The following GMDS variants were observed in gnomAD, a reference collection of about 807,000 sequenced individuals.
GMDS encodes the protein GDP-mannose 4,6 dehydratase.
GMDS carries 20 observed loss-of-function variants against 49.9 expected under a neutral mutation model. The observed-to-expected ratio is 0.40, with a 90% confidence interval of 0.28 to 0.58. The LOEUF (loss-of-function observed/expected upper bound fraction) is 0.58, where lower values mean the gene tolerates loss of function less well. Ranked by LOEUF, GMDS falls within the 20% of genes least tolerant of loss-of-function variation. GMDS has a pLI of 0.42. For synonymous variants in GMDS, 177 were observed against 178.6 expected, an observed-to-expected ratio of 0.99 and a Z score of 0.07; for missense variants, 362 against 481.4, an observed-to-expected ratio of 0.75 and a Z score of 2.32.
At chr6:2,087,595 G>A (rs577859218) in intron 4 of GMDS, among the ~76,000 whole-genome samples, 2 of 152,272 alleles carry the variant, frequency 1.3e-5, no homozygotes, top group Admixed American at 1.3e-4. Flanking sequence ...AGATTTCTGT[G>A]TTTATTCTCA....
chr6:2,114,461 C>G lies in GMDS; in HGVS notation c.345+1310G>C, dbSNP rs541827736. On this transcript the variant is annotated intron_variant, in intron 4 of 10. Coordinates refer to ENST00000380815, the MANE Select transcript of GMDS (RefSeq NM_001500.4). ...ATAGGAAAGAAGGGATGTAATTTCTCAAGCACACAGTATGCATAAGAGACT... is the reference window on the plus strand; with the variant it reads ...ATAGGAAAGAAGGGATGTAATTTCTGAAGCACACAGTATGCATAAGAGACT... Among the ~76,000 whole-genome samples the G allele has an allele frequency of 6.6e-5, 10 of 152,278 alleles. No homozygotes were observed. In the South Asian group the frequency reaches 1.9e-3, roughly 28 times the overall value.
intron 4 of GMDS, among the ~76,000 whole-genome samples, chr6:2,041,598 C>G (rs1286831348): frequency 6.6e-6 from 1 of 152,184 alleles, no homozygotes; most frequent in Non-Finnish European, 1.5e-5. Flanking sequence ...TCCTCACCCT[C>G]CCATCCTGGG....
At chr6:1,737,722 CCA>C (rs1407587465) in intron 8 of GMDS, among the ~76,000 whole-genome samples, 1 of 142,876 alleles carries the variant, frequency 7.0e-6, no homozygotes, top group East Asian at 2.2e-4. Flanking sequence ...CAAAGACACA[CCA>C]CAAACACACA....
Position 1,670,052 on chromosome 6 carries a change from T to C in GMDS, c.988-45512A>G, listed in dbSNP as rs141803977. Among the ~76,000 whole-genome samples the C allele has an allele frequency of 1.9e-3, 283 of 151,588 alleles. 2 individuals carry two copies. Among genetic ancestry groups the C allele is most frequent in the African/African-American group, 6.6e-3 (271 of 41,318 alleles). ...TGGGCTCCATAGGAACATCTTGGTG[T>C]CACAAACGAGGGGAGATCTTGCACA... On this transcript the variant is annotated intron_variant, in intron 9 of 10. Transcript: ENST00000380815.
rs181181936 is a variant in GMDS, at chr6:2,197,734, T to A, written c.102+47587A>T. Reference sequence around the variant, plus strand: ...GCTTTAATTTTCCACACTTCCTAATTCTGGGTGCTAACAGGACACAGCCGC... The same window carrying A: ...GCTTTAATTTTCCACACTTCCTAATACTGGGTGCTAACAGGACACAGCCGC... On this transcript the variant is annotated intron_variant, in intron 1 of 10. Coordinates refer to ENST00000380815, the MANE Select transcript of GMDS (RefSeq NM_001500.4). Among the ~76,000 whole-genome samples the A allele has an allele frequency of 7.2e-5, 11 of 152,248 alleles. 1 individual carries two copies. Among genetic ancestry groups the A allele is most frequent in the Admixed American group, 7.2e-4 (11 of 15,292 alleles).
chr6:2,103,765 G>A (rs777248040), intron 4 of GMDS, among the ~76,000 whole-genome samples: 2 of 152,066 alleles, frequency 1.3e-5, no homozygotes, highest in Admixed American at 6.5e-5. Context: ...AAAGGTCCTC[G>A]GAAGCACACA....
chr6:2,200,661 G>A (rs957706131), intron 1 of GMDS, among the ~76,000 whole-genome samples: 2 of 148,872 alleles, frequency 1.3e-5, no homozygotes, highest in East Asian at 2.0e-4. Context: ...ATGCACATCC[G>A]AGATGAAACC....
intron 7 of GMDS, among the ~76,000 whole-genome samples, chr6:1,759,163 T>C (rs991276222): frequency 2.6e-5 from 4 of 152,192 alleles, no homozygotes; most frequent in African/African-American, 9.7e-5. Context: ...GAATGTGTAG[T>C]TCATCTCCAC....
chr6:1,641,005 G>A (rs938333488), intron 9 of GMDS, among the ~76,000 whole-genome samples: 5 of 152,154 alleles, frequency 3.3e-5, no homozygotes, highest in African/African-American at 9.7e-5. Flanking sequence ...TACAGGTGGC[G>A]TTGGCTCCAC....
intron 4 of GMDS, among the ~76,000 whole-genome samples, chr6:2,056,192 T>C (rs1445492147): frequency 6.6e-6 from 1 of 152,158 alleles, no homozygotes; most frequent in Non-Finnish European, 1.5e-5. Context: ...AAGACACATA[T>C]AACTCCTTCA....
intron 4 of GMDS, among the ~76,000 whole-genome samples, chr6:1,963,459 C>T (rs566480419): frequency 6.6e-6 from 1 of 152,290 alleles, no homozygotes; most frequent in South Asian, 2.1e-4. Flanking sequence ...GAATACTTTA[C>T]TTAACCCAAG....
At chr6:1,846,955 G>A (rs1757441174) in intron 7 of GMDS, among the ~76,000 whole-genome samples, 1 of 152,180 alleles carries the variant, frequency 6.6e-6, no homozygotes, top group Non-Finnish European at 1.5e-5. Flanking sequence ...AATGACTAAG[G>A]TGCAGGGGGA....
intron 7 of GMDS, among the ~76,000 whole-genome samples, chr6:1,885,045 G>A (rs577265546): frequency 6.6e-6 from 1 of 152,306 alleles, no homozygotes; most frequent in East Asian, 1.9e-4. Context: ...AGATATTTAA[G>A]CAATCTGGCA....
intron 4 of GMDS, among the ~76,000 whole-genome samples, chr6:2,103,462 A>C (rs764753449): frequency 3.3e-5 from 5 of 152,200 alleles, no homozygotes; most frequent in Non-Finnish European, 5.9e-5. Context: ...CTGTGGTACT[A>C]AAATTCCTGA....
At chr6:1,863,330 A>G (rs1162440451) in intron 7 of GMDS, among the ~76,000 whole-genome samples, 2 of 152,272 alleles carry the variant, frequency 1.3e-5, no homozygotes, top group Non-Finnish European at 2.9e-5. Context: ...TTCAGAGGGT[A>G]TATTTTTCCT....
chr6:1,633,312 A>T lies in GMDS; in HGVS notation c.988-8772T>A, dbSNP rs2569858. ...GAATAGCTGTAACAGAGTGTAGAAG[A>T]TTTTGTACTCTGCTGTCCCTCAATT... On this transcript the variant is annotated intron_variant, in intron 9 of 10. Transcript: ENST00000380815. 6.1e-3 allele frequency among the ~76,000 whole-genome samples: 923 copies of T among 152,254 alleles called. 8 individuals are homozygous for T. The highest frequency in any genetic ancestry group is 0.021 in the African/African-American group (874 of 41,536).
chr6:2,023,516 C>T (rs892903968), intron 4 of GMDS, among the ~76,000 whole-genome samples: 2 of 152,140 alleles, frequency 1.3e-5, no homozygotes, highest in South Asian at 2.1e-4. Flanking sequence ...CAGCATTCCA[C>T]GGAGGGCAGA....
chr6:2,133,743 CGTAAAT>C (rs1775858298), intron 1 of GMDS, among the ~76,000 whole-genome samples: 1 of 152,022 alleles, frequency 6.6e-6, no homozygotes, highest in South Asian at 2.1e-4. Context: ...ATATCAGGAG[CGTAAAT>C]GTAGAAATCT....
At chr6:1,890,417 A>T (rs1759817045) in intron 7 of GMDS, among the ~76,000 whole-genome samples, 1 of 152,126 alleles carries the variant, frequency 6.6e-6, no homozygotes, top group African/African-American at 2.4e-5. Context: ...CCTATTTTTA[A>T]TTAGGCTGTC....
Sources: allele counts gnomAD v4.1 joint callset (sites outside exome capture counted in the v4.1 genomes callset), GRCh38; gene constraint gnomAD v4.1.1; transcripts MANE v1.5; gene names NCBI Gene and HGNC (gene_info 2026-07-23, HGNC 2026-07-21).